GAB2: variants seen among roughly 807,000 people sequenced by gnomAD.
GAB2 encodes GRB2-associated-binding protein 2.
A neutral mutation model predicts 65.5 loss-of-function variants in GAB2; 26 were observed. That is an observed-to-expected ratio of 0.40 (90% confidence interval 0.29 to 0.55). The LOEUF is 0.55. Among genes scored for constraint, GAB2 ranks in the 20% least tolerant of loss-of-function variants. The pLI is 0.53. For missense variants in GAB2, 884 were observed against 875.8 expected (o/e 1.01, Z -0.12); for synonymous variants, 321 against 329.6 (o/e 0.97, Z 0.28).
intron 1 of GAB2, among the ~76,000 whole-genome samples, chr11:78,340,064 C>G (rs1591050652): frequency 6.6e-6 from 1 of 152,136 alleles, no homozygotes; most frequent in African/African-American, 2.4e-5. Context: ...AATAAAAGAA[C>G]AAGCAGTTGT....
At position 78,381,575 on chromosome 11, in the gene GAB2, GTTC is replaced by G. The variant is rs199816562; in HGVS notation, c.75+36068_75+36070del. Among the ~76,000 whole-genome samples, 993 of 152,014 alleles carry G rather than the reference GTTC, an allele frequency of 6.5e-3. 11 individuals are homozygous for G. Among genetic ancestry groups the G allele is most frequent in the African/African-American group, 0.022 (931 of 41,488 alleles). ...AAATACTGCTAGACTGGTAAAAAAGGTTCTTCTTTTATTTCCCTAGAAGCCTGT... is the reference window on the plus strand; with the variant it reads ...AAATACTGCTAGACTGGTAAAAAAGGTTCTTTTATTTCCCTAGAAGCCTGT... On this transcript the variant is annotated intron_variant, in intron 1 of 9. Transcript: ENST00000361507.
chr11:78,326,184 T>C (rs565391120), intron 1 of GAB2, among the ~76,000 whole-genome samples: 36 of 152,334 alleles, frequency 2.4e-4, no homozygotes, highest in Non-Finnish European at 4.0e-4. Flanking sequence ...TATATCCATA[T>C]CTAAATAACT....
intron 3 of GAB2, among the ~76,000 whole-genome samples, chr11:78,232,316 T>A (rs1373878577): frequency 6.6e-6 from 1 of 152,180 alleles, no homozygotes; most frequent in Non-Finnish European, 1.5e-5. Context: ...TCACCAGAAT[T>A]ATGGCTTTTC....
chr11:78,271,567 G>T (rs538099393), intron 2 of GAB2, among the ~76,000 whole-genome samples: 1 of 152,202 alleles, frequency 6.6e-6, no homozygotes, highest in East Asian at 1.9e-4. Flanking sequence ...GTGAAGACTG[G>T]AAGGTGGCAG....
chr11:78,349,406 G>A (rs1856240324), intron 1 of GAB2, among the ~76,000 whole-genome samples: 1 of 152,158 alleles, frequency 6.6e-6, no homozygotes, highest in African/African-American at 2.4e-5. Flanking sequence ...TTTTGATGAG[G>A]TAGGCACTAT....
intron 1 of GAB2, among the ~76,000 whole-genome samples, chr11:78,346,337 T>C (rs1272323741): frequency 1.3e-5 from 2 of 152,220 alleles, no homozygotes; most frequent in East Asian, 3.9e-4. Flanking sequence ...CTCACATCCT[T>C]ACTCTTCAGA....
chr11:78,369,192 T>G (rs1467936157), intron 1 of GAB2, among the ~76,000 whole-genome samples: 1 of 149,024 alleles, frequency 6.7e-6, no homozygotes, highest in Non-Finnish European at 1.5e-5. Context: ...GCCAGGAAAA[T>G]TTATCATCCC....
At chr11:78,349,780 A>C (rs1591057870) in intron 1 of GAB2, among the ~76,000 whole-genome samples, 2 of 152,248 alleles carry the variant, frequency 1.3e-5, no homozygotes, top group East Asian at 3.9e-4. Context: ...GGAGCAGAGG[A>C]GAATCCTCTC....
intron 1 of GAB2, among the ~76,000 whole-genome samples, chr11:78,320,155 G>A (rs897369119): frequency 1.3e-5 from 2 of 152,194 alleles, no homozygotes; most frequent in East Asian, 3.9e-4. Flanking sequence ...ACAGGCATGA[G>A]CCACTGCGCC....
chr11:78,297,196 AG>A (rs1191203221), intron 1 of GAB2, among the ~76,000 whole-genome samples: 1 of 152,184 alleles, frequency 6.6e-6, no homozygotes, highest in Non-Finnish European at 1.5e-5. Context: ...CAAATGATAA[AG>A]GTAAGTTTGG....
At chr11:78,354,377 T>G (rs1856325216) in intron 1 of GAB2, among the ~76,000 whole-genome samples, 1 of 152,186 alleles carries the variant, frequency 6.6e-6, no homozygotes, top group Non-Finnish European at 1.5e-5. Context: ...GTGATACTAG[T>G]ACAGACCATA....
Position 78,416,821 on chromosome 11 carries a change from C to T in GAB2, c.75+825G>A, listed in dbSNP as rs191876239. 6.2e-4 allele frequency among the ~76,000 whole-genome samples: 94 copies of T among 151,834 alleles called. 2 individuals carry two copies. The highest frequency in any genetic ancestry group is 6.2e-3 in the Admixed American group (94 of 15,276). On this transcript the variant is annotated intron_variant, in intron 1 of 9. Transcript: ENST00000361507. ...AAAGCCAGAACTCCACGGCTCAGCGCCACGCTGTTCCACCTCCCCCAGGCT... is the reference window on the plus strand; with the variant it reads ...AAAGCCAGAACTCCACGGCTCAGCGTCACGCTGTTCCACCTCCCCCAGGCT...
chr11:78,380,491 C>T (rs1242556887), intron 1 of GAB2, among the ~76,000 whole-genome samples: 1 of 152,126 alleles, frequency 6.6e-6, no homozygotes, highest in Non-Finnish European at 1.5e-5. Context: ...GGAATGAGAA[C>T]ATTTCTAAGG....
chr11:78,254,790 C>G (rs1471339776), intron 2 of GAB2, among the ~76,000 whole-genome samples: 1 of 151,098 alleles, frequency 6.6e-6, no homozygotes, highest in African/African-American at 2.4e-5. Flanking sequence ...AGAGTGACAC[C>G]TTGTCTCTAA....
intron 3 of GAB2, among the ~76,000 whole-genome samples, chr11:78,242,395 A>G (rs556495959): frequency 6.6e-6 from 1 of 152,066 alleles, no homozygotes; most frequent in Non-Finnish European, 1.5e-5. Context: ...CCAGCTACAC[A>G]GGAGGTTGAG....
chr11:78,239,006 G>A (rs1408033081), intron 3 of GAB2, among the ~76,000 whole-genome samples: 2 of 151,388 alleles, frequency 1.3e-5, no homozygotes, highest in South Asian at 4.2e-4. Context: ...AATGGCCAAC[G>A]CACGCATGAA....
intron 1 of GAB2, among the ~76,000 whole-genome samples, chr11:78,313,359 A>G (rs888997909): frequency 2.0e-5 from 3 of 152,144 alleles, no homozygotes; most frequent in African/African-American, 7.2e-5. Context: ...AGCACCTCAT[A>G]TGATGCCTGA....
At chr11:78,346,720 T>C (rs1361490399) in intron 1 of GAB2, among the ~76,000 whole-genome samples, 1 of 63,880 alleles carries the variant, frequency 1.6e-5, no homozygotes, top group East Asian at 6.1e-4. Context: ...TATATATATA[T>C]AATTTTTTTT....
Position 78,291,471 on chromosome 11 carries a change from C to CAA in GAB2, c.76-10572_76-10571dup, listed in dbSNP as rs555665523. Among the ~76,000 whole-genome samples the CAA allele has an allele frequency of 5.8e-3, 551 of 95,364 alleles. 6 individuals carry two copies. Among genetic ancestry groups the CAA allele is most frequent in the African/African-American group, 0.019 (513 of 26,848 alleles). 62.6% of individuals were successfully genotyped at this position (95,364 alleles called of 152,430 possible). ...ACAGAGCAAGACTCTGTCTCTGTCT[C>CAA]AAAAAAAAAAAAGAGTAGATCAATA... On this transcript the variant is annotated intron_variant, in intron 1 of 9. Coordinates refer to ENST00000361507, the MANE Select transcript of GAB2 (RefSeq NM_080491.3).
Sources: gnomAD v4.1 joint callset for allele counts (sites outside exome capture counted in the v4.1 genomes callset) on GRCh38, gnomAD v4.1.1 for gene constraint, MANE v1.5 for transcripts, NCBI Gene and HGNC (gene_info 2026-07-23, HGNC 2026-07-21) for gene names.